Variants in TMEM132D observed in about 807,000 individuals in gnomAD.
The protein encoded by TMEM132D is transmembrane protein 132D.
Under a neutral mutation model 62.3 loss-of-function variants are expected in TMEM132D, and 21 were observed. The observed-to-expected ratio is 0.34, with a 90% confidence interval of 0.24 to 0.49. The LOEUF is 0.49. TMEM132D is among the 20% of genes least tolerant of loss of function. The probability of loss-of-function intolerance (pLI) is 0.99; values close to 1 mark genes in which losing one functional copy is unlikely to be tolerated. For synonymous variants in TMEM132D, 621 were observed against 575.6 expected (o/e 1.08, Z -1.13); for missense variants, 1,346 against 1,402.8 (o/e 0.96, Z 0.65).
rs1414418858 is a variant in TMEM132D at position 129,180,016 on chromosome 12, A to G, written c.1443+29504T>C. The stretch of plus-strand genomic sequence containing the variant: ...GCACTCCAGCCTGGGCCACAGAGCA[A>G]GACTCCATCTCAAAAAGAAAATAAA... On this transcript the variant is annotated intron_variant, in intron 5 of 8. Transcript: ENST00000422113. Among the ~76,000 whole-genome samples the G allele has an allele frequency of 4.0e-5, 6 of 148,370 alleles. No homozygotes were observed. In the South Asian group the frequency reaches 6.6e-4, roughly 16 times the overall value.
intron 3 of TMEM132D, among the ~76,000 whole-genome samples, chr12:129,486,780 C>A (rs534419671): frequency 6.6e-6 from 1 of 152,112 alleles, no homozygotes; most frequent in Non-Finnish European, 1.5e-5. Flanking sequence ...TCCCTTCCTC[C>A]TTTCCTTCAT....
intron 1 of TMEM132D, among the ~76,000 whole-genome samples, chr12:129,876,348 C>T (rs553973197): frequency 1.3e-5 from 2 of 152,286 alleles, no homozygotes; most frequent in Admixed American, 6.5e-5. Flanking sequence ...AAAGAACAAG[C>T]AAACCATTAT....
intron 2 of TMEM132D, among the ~76,000 whole-genome samples, chr12:129,543,950 T>G (rs889607331): frequency 6.6e-6 from 1 of 152,192 alleles, no homozygotes; most frequent in Admixed American, 6.5e-5. Flanking sequence ...TTCAGGAAAC[T>G]GCCATGTCCA....
chr12:129,556,347 C>G (rs1022900621), intron 2 of TMEM132D, among the ~76,000 whole-genome samples: 1 of 152,174 alleles, frequency 6.6e-6, no homozygotes, highest in East Asian at 1.9e-4. Context: ...TGGATCGGCA[C>G]CGAGCAGAGG....
chr12:129,734,435 T>C (rs911027269), intron 1 of TMEM132D, among the ~76,000 whole-genome samples: 4 of 152,216 alleles, frequency 2.6e-5, no homozygotes, highest in Non-Finnish European at 5.9e-5. Context: ...TGTTTTTCTC[T>C]AAACTTCTAT....
rs111744255 is a variant in TMEM132D at position 129,107,321 on chromosome 12, C to A, written c.1444-22619G>T. ...GAAATGGAATTCACAGATAATGTCACGTACATACAAGGTAATTTTATTAAG... is the reference window on the plus strand; with the variant it reads ...GAAATGGAATTCACAGATAATGTCAAGTACATACAAGGTAATTTTATTAAG... On this transcript the variant is annotated intron_variant, in intron 5 of 8. Transcript: ENST00000422113. 9.7e-3 allele frequency among the ~76,000 whole-genome samples: 1,483 copies of A among 152,232 alleles called. 31 individuals carry two copies. Among genetic ancestry groups the A allele is most frequent in the African/African-American group, 0.033 (1,368 of 41,518 alleles).
intron 4 of TMEM132D, among the ~76,000 whole-genome samples, chr12:129,299,883 A>C (rs930920077): frequency 6.6e-6 from 1 of 152,204 alleles, no homozygotes; most frequent in African/African-American, 2.4e-5. Flanking sequence ...AATCCTTTCC[A>C]ATTACGCTTA....
At position 129,843,313 on chromosome 12, in the gene TMEM132D, T is replaced by C. The variant is rs185311609; in HGVS notation, c.79+59948A>G. Among the ~76,000 whole-genome samples the C allele has an allele frequency of 1.4e-4, 21 of 152,296 alleles. No homozygotes were observed. The East Asian group carries it at 3.9e-3, about 28-fold the overall frequency. On this transcript the variant is annotated intron_variant, in intron 1 of 8. Transcript: ENST00000422113. The stretch of plus-strand genomic sequence containing the variant: ...CAGAAAGCCTCAATTAGAAGATAAA[T>C]CTATCTAAAATATTAGAGTTTATAA...
chr12:129,235,572 G>A (rs1306948301), intron 4 of TMEM132D, among the ~76,000 whole-genome samples: 2 of 152,178 alleles, frequency 1.3e-5, no homozygotes, highest in Admixed American at 1.3e-4. Context: ...TTATTATGTG[G>A]TTATATCACA....
chr12:129,154,418 A>G (rs1565980480), intron 5 of TMEM132D, among the ~76,000 whole-genome samples: 3 of 152,210 alleles, frequency 2.0e-5, no homozygotes. Context: ...AACTCAACAA[A>G]TATGGACTGC....
chr12:129,440,036 G>A (rs989431867), intron 3 of TMEM132D, among the ~76,000 whole-genome samples: 2 of 152,176 alleles, frequency 1.3e-5, no homozygotes, highest in Non-Finnish European at 2.9e-5. Context: ...AAAAAGAGGT[G>A]TTATTTGGCG....
At chr12:129,487,031 TG>T (rs533544416) in intron 3 of TMEM132D, among the ~76,000 whole-genome samples, 2,206 of 70,256 alleles carry the variant, frequency 0.031, 39 homozygotes, top group African/African-American at 0.074. Context: ...TGTTTGCGTA[TG>T]GGGGGGGGGG....
chr12:129,559,328 A>G (rs1309508958), intron 2 of TMEM132D, among the ~76,000 whole-genome samples: 4 of 152,248 alleles, frequency 2.6e-5, no homozygotes, highest in Admixed American at 6.5e-5. Context: ...AACTATTTAC[A>G]TCCATATATC....
chr12:129,465,150 G>A (rs1034057070), intron 3 of TMEM132D, among the ~76,000 whole-genome samples: 4 of 152,086 alleles, frequency 2.6e-5, no homozygotes, highest in African/African-American at 7.2e-5. Context: ...ATTTCATTGA[G>A]CAGTGAGTTG....
intron 4 of TMEM132D, among the ~76,000 whole-genome samples, chr12:129,318,961 CA>C (rs1868580391): frequency 6.6e-6 from 1 of 152,108 alleles, no homozygotes; most frequent in South Asian, 2.1e-4. Context: ...GGGCTGGTTT[CA>C]CTCCCATTGT....
At chr12:129,749,461 ATCT>A (rs1869926509) in intron 1 of TMEM132D, among the ~76,000 whole-genome samples, 1 of 94,188 alleles carries the variant, frequency 1.1e-5, no homozygotes, top group South Asian at 4.2e-4. Flanking sequence ...AGTGAAAAGA[ATCT>A]TTTTTTTTTT....
chr12:129,808,689 G>T (rs1456936254), intron 1 of TMEM132D, among the ~76,000 whole-genome samples: 2 of 152,150 alleles, frequency 1.3e-5, no homozygotes, highest in Non-Finnish European at 2.9e-5. Context: ...CCAAGAAAAA[G>T]TCCAGATATT....
intron 5 of TMEM132D, among the ~76,000 whole-genome samples, chr12:129,128,297 C>T (rs927735640): frequency 7.9e-5 from 12 of 152,090 alleles, no homozygotes; most frequent in African/African-American, 2.9e-4. Flanking sequence ...TAAAGAACAA[C>T]CTGAGACTGG....
chr12:129,147,239 C>CAT (rs34427264), intron 5 of TMEM132D, among the ~76,000 whole-genome samples: 44,915 of 147,070 alleles, frequency 0.31, 7,720 homozygotes, highest in African/African-American at 0.47. Context: ...TGTATATATA[C>CAT]ATATGTTTAT....
Sources: gnomAD v4.1 joint callset for allele counts (sites outside exome capture counted in the v4.1 genomes callset) on GRCh38, gnomAD v4.1.1 for gene constraint, MANE v1.5 for transcripts, NCBI Gene and HGNC (gene_info 2026-07-23, HGNC 2026-07-21) for gene names.